The following ZFP91 variants were observed in gnomAD, a reference collection of about 807,000 sequenced individuals.
The protein encoded by ZFP91 is ZFP91 zinc finger protein, atypical E3 ubiquitin ligase, also known as E3 ubiquitin-protein ligase ZFP91.
A neutral mutation model predicts 63.5 loss-of-function variants in ZFP91; 7 were observed. That is an observed-to-expected ratio of 0.11 (90% CI 0.06 to 0.21). The LOEUF (loss-of-function observed/expected upper bound fraction) is 0.21. ZFP91 is among the 10% of genes least tolerant of loss of function. The pLI is 1.00. For missense variants in ZFP91, 628 were observed against 736.6 expected, an observed-to-expected ratio of 0.85 and a Z score of 1.71; for synonymous variants, 330 against 272.1, an observed-to-expected ratio of 1.21 and a Z score of -2.10.
intron 1 of ZFP91, among the ~76,000 whole-genome samples, chr11:58,582,395 G>A (rs1193345581): frequency 1.3e-5 from 2 of 152,144 alleles, no homozygotes; most frequent in Non-Finnish European, 2.9e-5. Flanking sequence ...ATTTTAAAAA[G>A]GAAGGTTTAT....
At position 58,617,847 on chromosome 11, in the gene ZFP91, CAT is replaced by C; in HGVS notation, c.*143_*144del. ...TTTCCATTGTGGATCACAGCACACACATACATACACCCTCCACCTCCCCATCC... is the reference window on the plus strand; with the variant it reads ...TTTCCATTGTGGATCACAGCACACACACATACACCCTCCACCTCCCCATCC... On this transcript the variant is annotated 3_prime_UTR_variant, in exon 11 of 11. Transcript: ENST00000316059. The surrounding 1 kb of genome is among the most constrained non-coding windows in gnomAD (Gnocchi z 4.2). 8.9e-7 allele frequency: 1 copy of C among 1,123,938 alleles called. No homozygotes were observed. The highest frequency in any genetic ancestry group is 1.2e-6 in the Non-Finnish European group (1 of 855,796). 69.6% of individuals were successfully genotyped at this position (1,123,938 alleles called of 1,614,324 possible).
At chr11:58,591,982 C>T (rs962569175) in intron 2 of ZFP91, among the ~76,000 whole-genome samples, 5 of 151,616 alleles carry the variant, frequency 3.3e-5, no homozygotes, top group Admixed American at 3.3e-4. Context: ...CTCAGTTTTG[C>T]AGCTGTAGTA....
At chr11:58,604,412 T>G (rs1855538465) in intron 2 of ZFP91, among the ~76,000 whole-genome samples, 1 of 152,176 alleles carries the variant, frequency 6.6e-6, no homozygotes, top group Admixed American at 6.5e-5. Context: ...TCTCAGAGTC[T>G]GAGAGGGAGT....
At chr11:58,586,296 GA>G (rs1167762989) in intron 2 of ZFP91, among the ~76,000 whole-genome samples, 4 of 152,160 alleles carry the variant, frequency 2.6e-5, no homozygotes, top group Non-Finnish European at 4.4e-5. Flanking sequence ...TGGAAATTTG[GA>G]GCCCCTTTTG....
chr11:58,600,653 T>G (rs1855478192), intron 2 of ZFP91, among the ~76,000 whole-genome samples: 1 of 152,278 alleles, frequency 6.6e-6, no homozygotes, highest in Non-Finnish European at 1.5e-5. Flanking sequence ...CCTCTTTTTT[T>G]ACTTGAGTAA....
At chr11:58,592,420 C>G (rs1855323156) in intron 2 of ZFP91, among the ~76,000 whole-genome samples, 1 of 152,016 alleles carries the variant, frequency 6.6e-6, no homozygotes, top group African/African-American at 2.4e-5. Context: ...TTCATGTTTT[C>G]TAGTTAAGAG....
In ZFP91 at chr11:58,617,265, A is replaced by G. The variant is rs1226872483; in HGVS notation, c.1272A>G (p.Ala424=). 1.9e-6 allele frequency: 3 copies of G among 1,613,620 alleles called. No homozygotes were observed. The highest frequency in any genetic ancestry group is 1.3e-5 in the African/African-American group (1 of 74,898). Residue 424 remains alanine, a synonymous_variant, in exon 11 of 11, where the codon GCA becomes GCG. Coordinates refer to ENST00000316059, the MANE Select transcript of ZFP91 (RefSeq NM_053023.5). The surrounding 1 kb of genome is among the most constrained non-coding windows in gnomAD (Gnocchi z 4.2). ...SLNWHMKKHD[A]DSFYQFSCNI... is the part of the protein sequence containing the mutation. ...ATTGGCACATGAAGAAACATGATGCAGACTCCTTCTACCAGTTTTCTTGCA... is the reference window on the plus strand; with the variant it reads ...ATTGGCACATGAAGAAACATGATGCGGACTCCTTCTACCAGTTTTCTTGCA...
rs751844350 is a variant in ZFP91, at chr11:58,617,626, G to A, written c.1633G>A (p.Glu545Lys). 3 of 1,590,416 alleles carry A rather than the reference G, an allele frequency of 1.9e-6. No individual in the cohort carries two copies. The highest frequency in any genetic ancestry group is 1.7e-6 in the Non-Finnish European group (2 of 1,168,882). The change falls in exon 11 of 11, where the codon GAA (glutamate) becomes AAA (lysine). Residue 545 changes from glutamate (E) to lysine (K), a missense_variant. Glu to Lys is a moderately conservative substitution (Grantham distance 56, BLOSUM62 1). Coordinates refer to ENST00000316059, the MANE Select transcript of ZFP91 (RefSeq NM_053023.5). This position sits in a 1 kb window ranked among gnomAD's most constrained non-coding sequence, Gnocchi z 4.2. ...FVGSGSSGGT[E>K]GLVMNSDILG... ...GGGAAGCGGCAGCAGTGGAGGCACT[G>A]AAGGGCTGGTTATGAACTCAGATAT...
intron 1 of ZFP91, among the ~76,000 whole-genome samples, chr11:58,580,890 G>A (rs571098020): frequency 4.6e-4 from 70 of 152,316 alleles, no homozygotes; most frequent in African/African-American, 1.6e-3. Flanking sequence ...TCTAATTGCT[G>A]TAGATGCATT....
At chr11:58,587,880 T>G (rs2134392584) in intron 2 of ZFP91, among the ~76,000 whole-genome samples, 1 of 152,274 alleles carries the variant, frequency 6.6e-6, no homozygotes, top group East Asian at 1.9e-4. Flanking sequence ...TACCTTAATG[T>G]TTATTAAAGT....
At chr11:58,613,895 T>G (rs1234517830) in intron 8 of ZFP91, among the ~76,000 whole-genome samples, 3 of 152,176 alleles carry the variant, frequency 2.0e-5, no homozygotes, top group African/African-American at 7.2e-5. Flanking sequence ...CTGTGTGCCA[T>G]TTGCTGCTCT....
intron 10 of ZFP91, 106 bp downstream of exon 10, chr11:58,616,921 CA>C: frequency 9.2e-7 from 1 of 1,088,524 alleles, no homozygotes; most frequent in Non-Finnish European, 1.4e-6. Flanking sequence ...TTACTTTCAT[CA>C]AATAAATGAG....
At position 58,610,890 on chromosome 11, in the gene ZFP91, A is replaced by C. The variant is rs112181818; in HGVS notation, c.618-60A>C. 2.7e-6 allele frequency: 4 copies of C among 1,492,426 alleles called. No individual in the cohort carries two copies. In the African/African-American group the frequency reaches 4.2e-5, roughly 16 times the overall value. The allele number at this position is 1,492,426 out of a possible 1,614,324, so 92.4% of individuals were successfully genotyped here. A position where few individuals can be genotyped will look rare whatever the true frequency, so the allele number is the denominator to read the frequency against. ...TACCTCTTAAAAAATTACCAAATAA[A>C]ATCCCCTCAGACATGTTCGCTACAA... On this transcript the variant is annotated intron_variant, in intron 4 of 10. Coordinates refer to ENST00000316059, the MANE Select transcript of ZFP91 (RefSeq NM_053023.5).
rs1427398350 is a variant in ZFP91 at position 58,617,149 on chromosome 11, CTT to C, written c.1203-45_1203-44del. 3 of 1,521,542 alleles carry C rather than the reference CTT, an allele frequency of 2.0e-6. No homozygotes were observed. The highest frequency in any genetic ancestry group is 2.6e-6 in the Non-Finnish European group (3 of 1,138,440). The allele number at this position is 1,521,542 out of a possible 1,614,324, so 94.3% of individuals were successfully genotyped here. On this transcript the variant is annotated intron_variant, in intron 10 of 10. Coordinates refer to ENST00000316059, the MANE Select transcript of ZFP91 (RefSeq NM_053023.5). The surrounding 1 kb of genome is among the most constrained non-coding windows in gnomAD (Gnocchi z 4.2). ...AACCCTGATCCTGAATAAGAGCACT[CTT>C]TATTTCTCTGTTGGATCAGCCATTT...
intron 2 of ZFP91, among the ~76,000 whole-genome samples, chr11:58,591,512 A>G (rs1302192556): frequency 1.3e-5 from 2 of 152,190 alleles, no homozygotes; most frequent in African/African-American, 2.4e-5. Flanking sequence ...GGTACATTGT[A>G]TGAATTGCAC....
chr11:58,598,007 G>C (rs1293460477), intron 2 of ZFP91, among the ~76,000 whole-genome samples: 1 of 152,156 alleles, frequency 6.6e-6, no homozygotes, highest in Non-Finnish European at 1.5e-5. Context: ...TACTGTGACA[G>C]TAAATTCACT....
chr11:58,620,767 T>C lies in ZFP91; in HGVS notation c.*3061T>C, dbSNP rs545415003. The C allele has an allele frequency of 6.5e-6, 1 of 152,780 alleles. No individual in the cohort carries two copies. Among genetic ancestry groups the C allele is most frequent in the South Asian group, 2.1e-4 (1 of 4,822 alleles). The allele number at this position is 152,780 out of a possible 1,614,324, so 9.5% of individuals were successfully genotyped here. The stretch of plus-strand genomic sequence containing the variant: ...TTTTCTCCTTTTGTGTTTTTCCCAC[T>C]TTCCAATGTACTCAAGAAAATTGAA... On this transcript the variant is annotated 3_prime_UTR_variant, in exon 11 of 11. Coordinates refer to ENST00000316059, the MANE Select transcript of ZFP91 (RefSeq NM_053023.5).
intron 2 of ZFP91, among the ~76,000 whole-genome samples, chr11:58,588,848 C>G (rs1239351667): frequency 6.6e-6 from 1 of 151,832 alleles, no homozygotes; most frequent in African/African-American, 2.4e-5. Context: ...GTAATTCTTA[C>G]CATTTGAGTT....
Position 58,617,745 on chromosome 11 carries a change from T to C in ZFP91, c.*39T>C. 8 of 1,448,454 alleles carry C rather than the reference T, an allele frequency of 5.5e-6. No individual in the cohort carries two copies. The highest frequency in any genetic ancestry group is 7.3e-6 in the Non-Finnish European group (8 of 1,102,118). The allele number at this position is 1,448,454 out of a possible 1,614,324, so 89.7% of individuals were successfully genotyped here. A position where few individuals can be genotyped will look rare whatever the true frequency, so the allele number is the denominator to read the frequency against. ...TTGGGGCATGGGACAGCTCAGACTT[T>C]GTATTTAAAAGTTAAAAAGGACAAA... On this transcript the variant is annotated 3_prime_UTR_variant, in exon 11 of 11. Coordinates refer to ENST00000316059, the MANE Select transcript of ZFP91 (RefSeq NM_053023.5). This position sits in a 1 kb window ranked among gnomAD's most constrained non-coding sequence, Gnocchi z 4.2.
Sources: allele counts gnomAD v4.1 joint callset (sites outside exome capture counted in the v4.1 genomes callset), GRCh38; gene constraint gnomAD v4.1.1; non-coding constraint Gnocchi (gnomAD v3.1); transcripts MANE v1.5; gene names NCBI Gene and HGNC (gene_info 2026-07-23, HGNC 2026-07-21).